GRB14: variants seen among roughly 807,000 people sequenced by gnomAD.
GRB14 encodes growth factor receptor bound protein 14, also known as growth factor receptor-bound protein 14.
Under a neutral mutation model 69.1 loss-of-function variants are expected in GRB14, and 38 were observed. The observed-to-expected ratio is 0.55, with a 90% CI of 0.42 to 0.72. The LOEUF is 0.72. Among genes scored for constraint, GRB14 ranks in the 30% least tolerant of loss-of-function variants. The pLI, the probability that GRB14 is intolerant of heterozygous loss-of-function variation, is 0.00. For missense variants in GRB14, 666 were observed against 666.1 expected (o/e 1.00, Z 0.00); for synonymous variants, 247 against 241.3 (o/e 1.02, Z -0.22).
intron 2 of GRB14, among the ~76,000 whole-genome samples, chr2:164,572,341 T>C (rs1343055520): frequency 6.6e-6 from 1 of 152,170 alleles, no homozygotes; most frequent in East Asian, 1.9e-4. Context: ...TATTCCCACC[T>C]CTTTGTTCAT....
intron 3 of GRB14, among the ~76,000 whole-genome samples, chr2:164,540,165 C>T (rs1397330561): frequency 6.6e-6 from 1 of 152,182 alleles, no homozygotes; most frequent in Admixed American, 6.5e-5. Context: ...GCTTCCTGAA[C>T]ACAAGCACAC....
chr2:164,618,004 T>C (rs1026301887), intron 2 of GRB14, among the ~76,000 whole-genome samples: 1 of 148,330 alleles, frequency 6.7e-6, no homozygotes, highest in Non-Finnish European at 1.5e-5. Context: ...TCTCGCTCTG[T>C]CGTTCAGAGT....
intron 3 of GRB14, among the ~76,000 whole-genome samples, chr2:164,531,015 A>G (rs1413015606): frequency 2.0e-5 from 3 of 152,228 alleles, no homozygotes; most frequent in Non-Finnish European, 4.4e-5. Flanking sequence ...TAAAAAAAAT[A>G]CACAGAATCT....
chr2:164,608,563 G>A (rs139187913), intron 2 of GRB14, among the ~76,000 whole-genome samples: 1 of 149,996 alleles, frequency 6.7e-6, no homozygotes, highest in East Asian at 1.9e-4. Context: ...CCAATGCCTC[G>A]TTCATGCCTT....
chr2:164,594,479 C>T (rs1458637500), intron 2 of GRB14, among the ~76,000 whole-genome samples: 1 of 152,168 alleles, frequency 6.6e-6, no homozygotes, highest in South Asian at 2.1e-4. Flanking sequence ...CAAAGCCATG[C>T]GTAGAGTTAC....
chr2:164,514,994 T>G (rs1322261023), intron 6 of GRB14, among the ~76,000 whole-genome samples: 1 of 152,132 alleles, frequency 6.6e-6, no homozygotes, highest in Non-Finnish European at 1.5e-5. Context: ...ATAATCCCCC[T>G]GGGAACATAA....
At chr2:164,552,958 A>G (rs1339503826) in intron 2 of GRB14, among the ~76,000 whole-genome samples, 1 of 152,162 alleles carries the variant, frequency 6.6e-6, no homozygotes, top group East Asian at 1.9e-4. Context: ...ATGCAGCAAT[A>G]ACATCACTGT....
chr2:164,534,784 T>C (rs930093819), intron 3 of GRB14, among the ~76,000 whole-genome samples: 13 of 152,204 alleles, frequency 8.5e-5, no homozygotes, highest in Non-Finnish European at 4.4e-5. Flanking sequence ...TCTTTGCTGC[T>C]ATGTTCAAAA....
chr2:164,559,020 C>A lies in GRB14; in HGVS notation c.325-11204G>T, dbSNP rs189932982. ...CTCTGAAACCTGGATGTAACTTACC[C>A]TTAATGGTATGTTATAGTTTTATTG... On this transcript the variant is annotated intron_variant, in intron 2 of 13. Coordinates refer to ENST00000263915, the MANE Select transcript of GRB14 (RefSeq NM_004490.3). 2.0e-5 allele frequency among the ~76,000 whole-genome samples: 3 copies of A among 152,208 alleles called. No homozygotes were observed. In the East Asian group the frequency reaches 5.8e-4, roughly 29 times the overall value.
rs1686802151 is a variant in GRB14 at position 164,493,151 on chromosome 2, A to T, written c.1508T>A (p.Leu503Gln). The T allele has an allele frequency of 6.2e-7, 1 of 1,613,508 alleles. No individual in the cohort carries two copies. Among genetic ancestry groups the T allele is most frequent in the Non-Finnish European group, 8.5e-7 (1 of 1,179,664 alleles). ...VEDDGEMFHT[L>Q]DDGHTRFTDL... The stretch of plus-strand genomic sequence containing the variant: ...TGTAAATCTTGTGTGGCCATCATCC[A>T]GTGTGTGGAACATTTCACCGTCATC... The change falls in exon 14 of 14, where the codon CTG becomes CAG. Residue 503 changes from leucine to glutamine, a missense_variant. Transcript: ENST00000263915.
At chr2:164,520,816 C>A (rs1687616267) in intron 6 of GRB14, among the ~76,000 whole-genome samples, 1 of 152,078 alleles carries the variant, frequency 6.6e-6, no homozygotes, top group African/African-American at 2.4e-5. Context: ...GTGATGCCAC[C>A]TTACTCCTGC....
intron 3 of GRB14, among the ~76,000 whole-genome samples, chr2:164,536,549 C>A (rs1257084717): frequency 1.3e-5 from 2 of 152,046 alleles, no homozygotes; most frequent in Non-Finnish European, 2.9e-5. Flanking sequence ...CAGTATATTC[C>A]TTTCTTGTCG....
chr2:164,615,761 T>C (rs1690275234), intron 2 of GRB14, among the ~76,000 whole-genome samples: 1 of 152,196 alleles, frequency 6.6e-6, no homozygotes, highest in African/African-American at 2.4e-5. Context: ...TTGTACAACA[T>C]AGTCCTGGGA....
At chr2:164,518,319 A>C (rs1014378067) in intron 6 of GRB14, among the ~76,000 whole-genome samples, 2 of 152,198 alleles carry the variant, frequency 1.3e-5, no homozygotes, top group African/African-American at 4.8e-5. Flanking sequence ...CTCTGAACTG[A>C]ACAATGATAG....
Position 164,497,361 on chromosome 2 carries a change from A to T in GRB14, c.1221+13T>A. The T allele has an allele frequency of 6.2e-7, 1 of 1,605,934 alleles. No individual in the cohort carries two copies. The highest frequency in any genetic ancestry group is 8.5e-7 in the Non-Finnish European group (1 of 1,174,596). On this transcript the variant is annotated intron_variant, in intron 10 of 13. Coordinates refer to ENST00000263915, the MANE Select transcript of GRB14 (RefSeq NM_004490.3). Reference sequence around the variant, plus strand: ...AATCATAAATATTTTGAAGCATGTGAAGCTACTTGTACCCTCCAAGCGAGT... The same window carrying T: ...AATCATAAATATTTTGAAGCATGTGTAGCTACTTGTACCCTCCAAGCGAGT...
At chr2:164,537,495 G>A (rs535429820) in intron 3 of GRB14, among the ~76,000 whole-genome samples, 21 of 152,258 alleles carry the variant, frequency 1.4e-4, no homozygotes, top group African/African-American at 5.1e-4. Flanking sequence ...CTGCAGCTAT[G>A]AAGGGCAGAC....
intron 4 of GRB14, among the ~76,000 whole-genome samples, chr2:164,526,670 C>A (rs1270740030): frequency 6.6e-6 from 1 of 151,922 alleles, no homozygotes; most frequent in African/African-American, 2.4e-5. Context: ...TGGGTGAGAA[C>A]CTATAGAAAT....
intron 8 of GRB14, among the ~76,000 whole-genome samples, chr2:164,506,357 G>T (rs561158449): frequency 1.3e-5 from 2 of 152,138 alleles, no homozygotes; most frequent in Non-Finnish European, 2.9e-5. Flanking sequence ...TAAACAAAAA[G>T]CTTCATTTAA....
chr2:164,605,724 A>G lies in GRB14; in HGVS notation c.324+13963T>C, dbSNP rs536504598. On this transcript the variant is annotated intron_variant, in intron 2 of 13. Coordinates refer to ENST00000263915, the MANE Select transcript of GRB14 (RefSeq NM_004490.3). ...TCTTCAGAGACTTTAGTTGAGAGCT[A>G]TTTCCTGCCAAGCTGCAGAAAAGTA... 2.6e-5 allele frequency among the ~76,000 whole-genome samples: 4 copies of G among 152,332 alleles called. No individual in the cohort carries two copies. In the South Asian group the frequency reaches 8.3e-4, roughly 32 times the overall value.
Sources: allele counts gnomAD v4.1 joint callset (sites outside exome capture counted in the v4.1 genomes callset), GRCh38; gene constraint gnomAD v4.1.1; transcripts MANE v1.5; gene names NCBI Gene and HGNC (gene_info 2026-07-23, HGNC 2026-07-21).